Variants in FBXL17 observed in about 807,000 individuals in gnomAD.
FBXL17 encodes the protein F-box/LRR-repeat protein 17.
In FBXL17, 22 loss-of-function variants were observed where a neutral mutation model predicts 66.2. That is an observed-to-expected ratio of 0.33 (90% CI 0.24 to 0.47). FBXL17 has a LOEUF of 0.47. Ranked by LOEUF, FBXL17 falls within the 20% of genes least tolerant of loss-of-function variation. The probability of loss-of-function intolerance (pLI) is 1.00; values close to 1 mark genes in which losing one functional copy is unlikely to be tolerated. For synonymous variants in FBXL17, 474 were observed against 400.5 expected (o/e 1.18, Z -2.19); for missense variants, 878 against 948.2 (o/e 0.93, Z 0.97).
At chr5:108,304,090 A>G (rs1758724326) in intron 4 of FBXL17, among the ~76,000 whole-genome samples, 1 of 151,866 alleles carries the variant, frequency 6.6e-6, no homozygotes, top group African/African-American at 2.4e-5. Context: ...ATGTGTCTCC[A>G]CCCATTTTAA....
At chr5:108,274,841 A>C (rs1344389640) in intron 4 of FBXL17, among the ~76,000 whole-genome samples, 1 of 152,228 alleles carries the variant, frequency 6.6e-6, no homozygotes, top group Non-Finnish European at 1.5e-5. Context: ...AATAACATTA[A>C]GGATTTTGTA....
intron 6 of FBXL17, among the ~76,000 whole-genome samples, chr5:108,022,923 G>C (rs1324086400): frequency 6.6e-6 from 1 of 151,984 alleles, no homozygotes; most frequent in African/African-American, 2.4e-5. Context: ...AGGTTTCCCC[G>C]CTATTCACAG....
chr5:108,172,360 G>C (rs1375010494), intron 6 of FBXL17, among the ~76,000 whole-genome samples: 1 of 152,146 alleles, frequency 6.6e-6, no homozygotes, highest in African/African-American at 2.4e-5. Context: ...AGCCAGCACA[G>C]ATATAAGAGG....
chr5:108,311,041 T>A (rs1180733381), intron 4 of FBXL17, among the ~76,000 whole-genome samples: 3 of 152,116 alleles, frequency 2.0e-5, no homozygotes, highest in Non-Finnish European at 4.4e-5. Context: ...ACAAATAAAA[T>A]TTGGGGCTGA....
chr5:108,336,792 C>T (rs1208667794), intron 4 of FBXL17, among the ~76,000 whole-genome samples: 2 of 152,024 alleles, frequency 1.3e-5, no homozygotes, highest in African/African-American at 2.4e-5. Flanking sequence ...TGAAAAATCA[C>T]TTGATATTGC....
chr5:107,968,347 A>C (rs1283652967), intron 7 of FBXL17, among the ~76,000 whole-genome samples: 1 of 152,166 alleles, frequency 6.6e-6, no homozygotes, highest in Non-Finnish European at 1.5e-5. Flanking sequence ...AATTCAAAAA[A>C]AGAAGTTTAC....
intron 4 of FBXL17, among the ~76,000 whole-genome samples, chr5:108,300,110 G>C (rs1341742231): frequency 6.6e-6 from 1 of 151,886 alleles, no homozygotes; most frequent in African/African-American, 2.4e-5. Flanking sequence ...AATAATCACT[G>C]CTTATACAAA....
At chr5:107,967,875 C>T (rs17165766) in intron 7 of FBXL17, among the ~76,000 whole-genome samples, 42,557 of 151,820 alleles carry the variant, frequency 0.28, 6,122 homozygotes, top group East Asian at 0.4. Flanking sequence ...TGGTCACCTA[C>T]TTTAAGGTGG....
At chr5:108,242,294 G>A (rs1309496944) in intron 4 of FBXL17, among the ~76,000 whole-genome samples, 1 of 152,070 alleles carries the variant, frequency 6.6e-6, no homozygotes, top group African/African-American at 2.4e-5. Context: ...CAATCCTCCT[G>A]CCTCAGCCTC....
chr5:108,169,983 C>A (rs1298885596), intron 6 of FBXL17, among the ~76,000 whole-genome samples: 1 of 152,066 alleles, frequency 6.6e-6, no homozygotes, highest in East Asian at 1.9e-4. Context: ...AATTTATAAT[C>A]CATCTGAGTA....
intron 6 of FBXL17, among the ~76,000 whole-genome samples, chr5:108,169,975 T>A (rs1752546219): frequency 6.6e-6 from 1 of 152,144 alleles, no homozygotes; most frequent in East Asian, 1.9e-4. Context: ...TTCTAAAAAA[T>A]TTATAATCCA....
intron 8 of FBXL17, among the ~76,000 whole-genome samples, chr5:107,874,063 C>T (rs778541052): frequency 1.3e-5 from 2 of 152,182 alleles, no homozygotes; most frequent in Non-Finnish European, 2.9e-5. Context: ...CATTGACTGG[C>T]TGTTTGACTT....
chr5:107,957,540 T>C (rs978273817), intron 7 of FBXL17, among the ~76,000 whole-genome samples: 2 of 152,202 alleles, frequency 1.3e-5, no homozygotes, highest in Non-Finnish European at 2.9e-5. Context: ...AGAGTTGACA[T>C]CATCTTTCAG....
At chr5:108,194,535 C>A (rs1166402089) in intron 5 of FBXL17, among the ~76,000 whole-genome samples, 2 of 152,240 alleles carry the variant, frequency 1.3e-5, no homozygotes, top group East Asian at 3.9e-4. Flanking sequence ...TTAGGAATGC[C>A]CTCTTTGACT....
At chr5:108,172,799 T>C (rs1752656615) in intron 6 of FBXL17, among the ~76,000 whole-genome samples, 1 of 152,176 alleles carries the variant, frequency 6.6e-6, no homozygotes, top group African/African-American at 2.4e-5. Context: ...AGCTTTATTT[T>C]ATTTGTTTAT....
intron 7 of FBXL17, among the ~76,000 whole-genome samples, chr5:107,900,126 A>G (rs1749523298): frequency 6.6e-6 from 1 of 152,162 alleles, no homozygotes. Flanking sequence ...TAAACACCTG[A>G]TATTTTTTGT....
chr5:107,886,301 CATAG>C (rs1273700664), intron 7 of FBXL17, among the ~76,000 whole-genome samples: 1 of 152,144 alleles, frequency 6.6e-6, no homozygotes, highest in Non-Finnish European at 1.5e-5. Context: ...TACACAGATA[CATAG>C]ATAGCTACAG....
intron 6 of FBXL17, among the ~76,000 whole-genome samples, chr5:108,095,927 C>T (rs1386616214): frequency 6.6e-6 from 1 of 152,144 alleles, no homozygotes; most frequent in African/African-American, 2.4e-5. Context: ...TATGCCAAAA[C>T]ACAACTTCTA....
chr5:108,368,091 C>G, intron 1 of FBXL17, 138 bp from the exon 2 acceptor site: 4 of 748,632 alleles, frequency 5.3e-6, no homozygotes, highest in Non-Finnish European at 8.5e-6. Flanking sequence ...TGTAAGTCAC[C>G]GTAAGAGATC....
Sources: gnomAD v4.1 joint callset for allele counts (sites outside exome capture counted in the v4.1 genomes callset) on GRCh38, gnomAD v4.1.1 for gene constraint, MANE v1.5 for transcripts, NCBI Gene and HGNC (gene_info 2026-07-23, HGNC 2026-07-21) for gene names.